SIPA1L3: variants seen among roughly 807,000 people sequenced by gnomAD.
SIPA1L3 encodes signal-induced proliferation-associated 1-like protein 3.
In SIPA1L3, 59 loss-of-function variants were observed where a neutral mutation model predicts 150.1. That is an observed-to-expected ratio of 0.39 (90% CI 0.32 to 0.49). The LOEUF is 0.49. SIPA1L3 is among the 20% of genes least tolerant of loss of function. SIPA1L3 has a pLI of 0.86. For synonymous variants in SIPA1L3, 1,070 were observed against 1,077.6 expected (o/e 0.99, Z 0.14); for missense variants, 2,211 against 2,489.5 (o/e 0.89, Z 2.38).
At position 38,166,329 on chromosome 19, in the gene SIPA1L3, C is replaced by T. The variant is rs544156584; in HGVS notation, c.4208+1423C>T. Among the ~76,000 whole-genome samples, 180 of 151,812 alleles carry T rather than the reference C, an allele frequency of 1.2e-3. 3 individuals carry two copies. In the South Asian group the frequency reaches 0.025, roughly 21 times the overall value. ...AAAATTAGCCAGGCATGGTAGTGGG[C>T]GCCTGTAGTCCCAGCTACTTGGGAG... is the stretch of plus-strand genomic sequence containing the variant. On this transcript the variant is annotated intron_variant, in intron 15 of 21. Coordinates refer to ENST00000222345, the MANE Select transcript of SIPA1L3 (RefSeq NM_015073.3).
chr19:38,088,856 G>C lies in SIPA1L3; in HGVS notation c.1665+5G>C, dbSNP rs143100081. ...ATCATCTTCCGGACCCGCGAGGTAG[G>C]TCCCATCACTCTCGTTCTTATTAAA... is the stretch of plus-strand genomic sequence containing the variant. On this transcript the variant is annotated splice_donor_5th_base_variant and intron_variant, in intron 4 of 21. Transcript: ENST00000222345. 287 of 1,613,568 alleles carry C rather than the reference G, an allele frequency of 1.8e-4. No individual in the cohort carries two copies. In the African/African-American group the frequency reaches 3.4e-3, roughly 19 times the overall value.
At chr19:37,944,036 G>A (rs2046686639) in intron 1 of SIPA1L3, among the ~76,000 whole-genome samples, 1 of 152,148 alleles carries the variant, frequency 6.6e-6, no homozygotes, top group Non-Finnish European at 1.5e-5. Flanking sequence ...CAGCACTTTG[G>A]GAAGCCTAGG....
chr19:38,158,950 G>C (rs1020689622), intron 13 of SIPA1L3, among the ~76,000 whole-genome samples: 1 of 152,232 alleles, frequency 6.6e-6, no homozygotes, highest in Non-Finnish European at 1.5e-5. Context: ...TAGAGCACTG[G>C]AGTTGTCCGT....
intron 1 of SIPA1L3, among the ~76,000 whole-genome samples, chr19:38,006,288 T>C (rs1022004733): frequency 1.3e-5 from 2 of 151,916 alleles, no homozygotes; most frequent in Non-Finnish European, 2.9e-5. Context: ...AGAAGCAGCA[T>C]GAGTGAGGTG....
intron 4 of SIPA1L3, among the ~76,000 whole-genome samples, chr19:38,093,637 A>G (rs1244915769): frequency 2.7e-5 from 4 of 150,282 alleles, no homozygotes; most frequent in Non-Finnish European, 5.9e-5. Context: ...ACACACACAC[A>G]TGCCTTGGGG....
rs373255777 is a variant in SIPA1L3, at chr19:38,198,405, G to A, written c.4857G>A (p.Ser1619=). 1.8e-5 allele frequency: 28 copies of A among 1,573,882 alleles called. No individual in the cohort carries two copies. The East Asian group carries it at 2.4e-4, about 13-fold the overall frequency. ...FPEKKSTISA[S]ELSLADGRDR... The stretch of plus-strand genomic sequence containing the variant: ...CCCATCCAGCCACCATCTCAGCCTC[G>A]GAGCTCTCGCTGGCTGATGGGCGGG... The change falls in exon 19 of 22, where the codon TCG becomes TCA. Residue 1619 remains serine, a synonymous_variant. Transcript: ENST00000222345.
At chr19:38,086,201 A>G (rs1970127519) in intron 3 of SIPA1L3, among the ~76,000 whole-genome samples, 1 of 148,630 alleles carries the variant, frequency 6.7e-6, no homozygotes, top group South Asian at 2.1e-4. Flanking sequence ...AACAAAGAAC[A>G]CATTCTTTTC....
At position 37,971,393 on chromosome 19, in the gene SIPA1L3, C is replaced by T. The variant is rs1024729586; in HGVS notation, c.-378-57696C>T. Among the ~76,000 whole-genome samples the T allele has an allele frequency of 2.6e-5, 4 of 152,228 alleles. 1 individual carries two copies. ...ACCACCTCAAAAAGAAACCCTGAACCCATTCCCGCTTCCCTGATTCTGCCC... is the reference window on the plus strand; with the variant it reads ...ACCACCTCAAAAAGAAACCCTGAACTCATTCCCGCTTCCCTGATTCTGCCC... On this transcript the variant is annotated intron_variant, in intron 1 of 21. Transcript: ENST00000222345.
At chr19:38,124,547 G>A (rs372766993) in intron 9 of SIPA1L3, among the ~76,000 whole-genome samples, 28 of 139,746 alleles carry the variant, frequency 2.0e-4, no homozygotes, top group African/African-American at 6.8e-4. Flanking sequence ...GGCTCCTCAC[G>A]TCCCAGACGA....
At chr19:38,013,157 G>T (rs910249793) in intron 1 of SIPA1L3, among the ~76,000 whole-genome samples, 4 of 152,306 alleles carry the variant, frequency 2.6e-5, no homozygotes, top group African/African-American at 9.6e-5. Context: ...CTGCTAGCAG[G>T]TGCTGGGCCA....
rs775556284 is a variant in SIPA1L3 at position 38,101,114 on chromosome 19, G to T, written c.1917G>T (p.Glu639Asp). The change falls in exon 6 of 22, where the codon GAG (glutamate) becomes GAT (aspartate). Residue 639 changes from glutamate (E) to aspartate (D), a missense_variant. Transcript: ENST00000222345. ...AGGCCGGCCAGAGCTCCGAGGAGGAGATGTACAACAATGAGGAGGCCGGCC... is the reference window on the plus strand; with the variant it reads ...AGGCCGGCCAGAGCTCCGAGGAGGATATGTACAACAATGAGGAGGCCGGCC... ...YCKAGQSSEE[E>D]MYNNEEAGPA... The T allele has an allele frequency of 6.2e-7, 1 of 1,610,238 alleles. No homozygotes were observed. Among genetic ancestry groups the T allele is most frequent in the South Asian group, 1.1e-5 (1 of 90,630 alleles).
At chr19:38,011,818 G>C (rs1477363846) in intron 1 of SIPA1L3, among the ~76,000 whole-genome samples, 1 of 152,186 alleles carries the variant, frequency 6.6e-6, no homozygotes, top group Admixed American at 6.5e-5. Flanking sequence ...GCCTGGGGAG[G>C]CCAGAGAGGG....
At chr19:37,942,624 G>A (rs539120214) in intron 1 of SIPA1L3, among the ~76,000 whole-genome samples, 2 of 152,138 alleles carry the variant, frequency 1.3e-5, no homozygotes, top group South Asian at 2.1e-4. Flanking sequence ...TGGCTACGGC[G>A]TGGAGCATAG....
chr19:38,186,455 T>G (rs1056369872), intron 16 of SIPA1L3, among the ~76,000 whole-genome samples: 12 of 151,582 alleles, frequency 7.9e-5, no homozygotes, highest in African/African-American at 2.7e-4. Context: ...TGGGACTACA[T>G]GCGCATACCA....
chr19:38,127,075 C>A (rs578232085), intron 9 of SIPA1L3, among the ~76,000 whole-genome samples: 4 of 152,230 alleles, frequency 2.6e-5, no homozygotes, highest in Admixed American at 1.3e-4. Context: ...GCCTGTGATC[C>A]CAGCTACTTG....
At chr19:38,037,913 G>T (rs1444559250) in intron 2 of SIPA1L3, among the ~76,000 whole-genome samples, 5 of 152,124 alleles carry the variant, frequency 3.3e-5, no homozygotes, top group African/African-American at 9.7e-5. Context: ...TAGCCTGGGG[G>T]ACTGTCTGTC....
intron 15 of SIPA1L3, among the ~76,000 whole-genome samples, chr19:38,170,986 G>A (rs1024721298): frequency 1.3e-5 from 2 of 151,864 alleles, no homozygotes; most frequent in Non-Finnish European, 2.9e-5. Context: ...CACACTTTCT[G>A]GGCCTCAATA....
chr19:38,144,170 T>C (rs1050451413), intron 12 of SIPA1L3, among the ~76,000 whole-genome samples: 1 of 152,218 alleles, frequency 6.6e-6, no homozygotes, highest in Non-Finnish European at 1.5e-5. Flanking sequence ...CCCCAATTCC[T>C]GTGTATTTCC....
intron 19 of SIPA1L3, chr19:38,200,891 C>T (rs1236076633): frequency 1.3e-5 from 2 of 151,470 alleles, no homozygotes; most frequent in African/African-American, 4.9e-5. Flanking sequence ...GGCGCCATCG[C>T]ACTCCAGCCT....
Sources: gnomAD v4.1 joint callset for allele counts (sites outside exome capture counted in the v4.1 genomes callset) on GRCh38, gnomAD v4.1.1 for gene constraint, MANE v1.5 for transcripts, NCBI Gene and HGNC (gene_info 2026-07-23, HGNC 2026-07-21) for gene names.